Variants in FSD1L observed in about 807,000 individuals in gnomAD.
The protein encoded by FSD1L is fibronectin type III and SPRY domain containing 1 like.
In FSD1L, 45 loss-of-function variants were observed where a neutral mutation model predicts 71.6. The ratio of observed to expected loss-of-function variants is 0.63; its 90% CI spans 0.49 to 0.81. FSD1L has a LOEUF of 0.81. FSD1L is among the 30% of genes least tolerant of loss of function. The pLI, the probability that FSD1L is intolerant of heterozygous loss-of-function variation, is 0.00. For missense variants in FSD1L, 561 were observed against 618.1 expected (o/e 0.91, Z 0.98); for synonymous variants, 197 against 207.2 (o/e 0.95, Z 0.42).
At chr9:105,446,128 CAG>C (rs1829638575), upstream of FSD1L, among the ~76,000 whole-genome samples, 1 of 151,770 alleles carries the variant, frequency 6.6e-6, no homozygotes, top group African/African-American at 2.4e-5. Context: ...ACAGTACAGT[CAG>C]GGGGATCCAT....
intron 5 of FSD1L, among the ~76,000 whole-genome samples, chr9:105,473,539 T>C (rs1831608151): frequency 6.6e-6 from 1 of 152,210 alleles, no homozygotes; most frequent in Non-Finnish European, 1.5e-5. Context: ...TATTTTTCTT[T>C]CTGTTTTCTA....
At chr9:105,482,261 T>G (rs1832257086) in intron 6 of FSD1L, among the ~76,000 whole-genome samples, 1 of 152,146 alleles carries the variant, frequency 6.6e-6, no homozygotes, top group African/African-American at 2.4e-5. Context: ...AATAAGATAA[T>G]AGCACATCTC....
intron 7 of FSD1L, among the ~76,000 whole-genome samples, chr9:105,495,839 G>A (rs2131313785): frequency 6.6e-6 from 1 of 152,188 alleles, no homozygotes; most frequent in East Asian, 1.9e-4. Context: ...GCTGGGCGTA[G>A]TGATGGGCGC....
chr9:105,465,621 A>G (rs1254593645), intron 3 of FSD1L, among the ~76,000 whole-genome samples: 3 of 152,206 alleles, frequency 2.0e-5, no homozygotes, highest in Non-Finnish European at 4.4e-5. Flanking sequence ...TAAATGTGAT[A>G]CACCATATTA....
chr9:105,545,336 G>T (rs1331834785), intron 13 of FSD1L, among the ~76,000 whole-genome samples: 1 of 145,942 alleles, frequency 6.9e-6, no homozygotes, highest in African/African-American at 2.7e-5. Context: ...GAGACAATGG[G>T]GTTTTCTAGA....
chr9:105,550,244 A>T lies in FSD1L; in HGVS notation c.*3761A>T, dbSNP rs1837212182. 1 of 151,256 alleles carries T rather than the reference A, an allele frequency of 6.6e-6. No homozygotes were observed. The highest frequency in any genetic ancestry group is 2.1e-4 in the South Asian group (1 of 4,806). 9.4% of individuals were successfully genotyped at this position (151,256 alleles called of 1,614,324 possible). A position where few individuals can be genotyped will look rare whatever the true frequency, so the allele number is the denominator to read the frequency against. On this transcript the variant is annotated 3_prime_UTR_variant, in exon 14 of 14. Transcript: ENST00000481272. ...AGTTTAAAATGTGTTATAGTTTGCT[A>T]AAAAAAAATCAAATTAACTGCATAT... is the stretch of plus-strand genomic sequence containing the variant.
At chr9:105,525,070 T>C (rs1835423383) in intron 10 of FSD1L, 24 of 1,572,610 alleles carry the variant, frequency 1.5e-5, no homozygotes, top group Non-Finnish European at 2.0e-5. Context: ...CTGGAAAATA[T>C]TCATGGGATT....
upstream of FSD1L, among the ~76,000 whole-genome samples, chr9:105,446,601 A>T (rs1390693358): frequency 6.6e-6 from 1 of 151,390 alleles, no homozygotes; most frequent in Non-Finnish European, 1.5e-5. Context: ...GAACTCCTGG[A>T]CTCAAGTGAT....
intron 9 of FSD1L, among the ~76,000 whole-genome samples, chr9:105,510,836 AAGC>A (rs1277220234): frequency 6.6e-6 from 1 of 152,154 alleles, no homozygotes; most frequent in East Asian, 1.9e-4. Flanking sequence ...AGTACCAAGA[AAGC>A]AGCCACTCGC....
intron 12 of FSD1L, among the ~76,000 whole-genome samples, chr9:105,537,778 A>G (rs941420487): frequency 3.9e-5 from 6 of 152,174 alleles, no homozygotes; most frequent in African/African-American, 1.4e-4. Context: ...CAAGTGGTGT[A>G]GAGCAGGACT....
chr9:105,491,983 G>A lies in FSD1L; in HGVS notation c.586+7481G>A, dbSNP rs191070647. On this transcript the variant is annotated intron_variant, in intron 7 of 13. Transcript: ENST00000481272. ...CTCTTTTTTGGTTGTGTCTCTGCCC[G>A]GCTTTGGTATCAGGATGATGCTGGC... Among the ~76,000 whole-genome samples, 899 of 152,038 alleles carry A rather than the reference G, an allele frequency of 5.9e-3. 12 individuals are homozygous for A. The highest frequency in any genetic ancestry group is 0.02 in the African/African-American group (829 of 41,384).
rs569079228 is a variant in FSD1L, at chr9:105,474,724, A to G, written c.441+2719A>G. Among the ~76,000 whole-genome samples the G allele has an allele frequency of 1.3e-3, 196 of 152,356 alleles. 1 individual carries two copies. Among genetic ancestry groups the G allele is most frequent in the African/African-American group, 4.5e-3 (187 of 41,584 alleles). ...TGGCCCATGAGGACAAAAAAATAGC[A>G]TAGGCTAAAAATTGAGGCAGTGTGT... On this transcript the variant is annotated intron_variant, in intron 5 of 13. Transcript: ENST00000481272.
rs372311568 is a variant in FSD1L, at chr9:105,508,890, ATTGGGTTTTCT to A, written c.895+177_895+187del. ...AAATAGGACTACAGTAGTGGTTTTC[ATTGGGTTTTCT>A]TATATGATTTTATTTATACAGATAA... On this transcript the variant is annotated intron_variant, in intron 9 of 13. Coordinates refer to ENST00000481272, the MANE Select transcript of FSD1L (RefSeq NM_001145313.3). Among the ~76,000 whole-genome samples, 306 of 152,304 alleles carry A rather than the reference ATTGGGTTTTCT, an allele frequency of 2.0e-3. 1 individual carries two copies. The highest frequency in any genetic ancestry group is 3.4e-3 in the Non-Finnish European group (229 of 68,022).
chr9:105,509,223 T>C (rs530305292), intron 9 of FSD1L, among the ~76,000 whole-genome samples: 23 of 152,354 alleles, frequency 1.5e-4, no homozygotes, highest in African/African-American at 5.3e-4. Context: ...GATACCCATA[T>C]TGCAGATGAA....
chr9:105,455,788 A>G (rs1413154217), intron 1 of FSD1L, among the ~76,000 whole-genome samples: 1 of 152,198 alleles, frequency 6.6e-6, no homozygotes, highest in Admixed American at 6.5e-5. Context: ...AAGTTACTCC[A>G]TATTAGCAGC....
chr9:105,463,622 A>C (rs1428671852), intron 2 of FSD1L, among the ~76,000 whole-genome samples: 1 of 152,226 alleles, frequency 6.6e-6, no homozygotes, highest in Non-Finnish European at 1.5e-5. Flanking sequence ...ATTTTATTGG[A>C]TAGCACCGAA....
chr9:105,539,168 A>C, intron 12 of FSD1L, 95 bp from the exon 13 acceptor site: 1 of 635,450 alleles, frequency 1.6e-6, no homozygotes, highest in Non-Finnish European at 2.7e-6. Context: ...ATGCCAACTT[A>C]TATATTATTA....
At chr9:105,450,662 T>C (rs1829936734) in intron 1 of FSD1L, among the ~76,000 whole-genome samples, 1 of 151,610 alleles carries the variant, frequency 6.6e-6, no homozygotes, top group Admixed American at 6.6e-5. Context: ...GCCTCCTGAG[T>C]AGCTGGGATT....
intron 10 of FSD1L, among the ~76,000 whole-genome samples, chr9:105,515,691 T>A (rs79087361): frequency 6.6e-6 from 1 of 152,064 alleles, no homozygotes; most frequent in African/African-American, 2.4e-5. Context: ...AACCTGCAGA[T>A]GAGGAGATCC....
Sources: gnomAD v4.1 joint callset for allele counts (sites outside exome capture counted in the v4.1 genomes callset) on GRCh38, gnomAD v4.1.1 for gene constraint, MANE v1.5 for transcripts, NCBI Gene and HGNC (gene_info 2026-07-23, HGNC 2026-07-21) for gene names.